Variants in DMXL2 observed in about 807,000 individuals in gnomAD.
The protein encoded by DMXL2 is Dmx like 2, also known as dmX-like protein 2.
A neutral mutation model predicts 331.1 loss-of-function variants in DMXL2; 103 were observed. The observed-to-expected ratio is 0.31, with a 90% CI of 0.27 to 0.37. The LOEUF (loss-of-function observed/expected upper bound fraction) is 0.37. DMXL2 is among the 10% of genes least tolerant of loss of function. The probability of loss-of-function intolerance (pLI) is 1.00; values close to 1 mark genes in which losing one functional copy is unlikely to be tolerated. For missense variants in DMXL2, 3,171 were observed against 3,642.9 expected (o/e 0.87, Z 3.33); for synonymous variants, 1,281 against 1,252.1 (o/e 1.02, Z -0.49).
At position 51,463,406 on chromosome 15, in the gene DMXL2, A is replaced by C; in HGVS notation, c.7899T>G (p.Ile2633Met). The C allele has an allele frequency of 6.3e-7, 1 of 1,581,004 alleles. No individual in the cohort carries two copies. The highest frequency in any genetic ancestry group is 2.3e-5 in the East Asian group (1 of 44,280). ...CACTCTGCTTTCTTTTCTTAGTGAA[A>C]ATATATCTAATAAATGTCTCTTGAA... The part of the protein sequence containing the change: ...EVLQETFIRY[I>M]FTKKRKQSES... The change falls in exon 33 of 44, where the codon ATT becomes ATG. Residue 2633 changes from isoleucine (I) to methionine (M), a missense_variant. Ile to Met is a conservative substitution (Grantham distance 10, BLOSUM62 1). Coordinates refer to ENST00000560891, the MANE Select transcript of DMXL2 (RefSeq NM_001378457.1).
intron 21 of DMXL2, 149 bp from the exon 22 acceptor site, chr15:51,488,268 ACTT>A (rs1400698570): frequency 8.6e-6 from 7 of 813,618 alleles, no homozygotes; most frequent in African/African-American, 5.3e-5. Context: ...GCATCTCTTC[ACTT>A]CTTCTAAGAA....
intron 29 of DMXL2, among the ~76,000 whole-genome samples, chr15:51,469,174 T>G (rs79323437): frequency 6.6e-6 from 1 of 152,034 alleles, no homozygotes; most frequent in South Asian, 2.1e-4. Flanking sequence ...GTAACACTAA[T>G]GTAGATCTAT....
At chr15:51,544,303 T>A (rs1287782386) in intron 8 of DMXL2, among the ~76,000 whole-genome samples, 2 of 152,106 alleles carry the variant, frequency 1.3e-5, no homozygotes, top group East Asian at 3.9e-4. Context: ...ATTTGGTCAT[T>A]TAAAAATGTG....
intron 36 of DMXL2, among the ~76,000 whole-genome samples, chr15:51,458,288 A>T (rs1422534457): frequency 6.6e-6 from 1 of 152,254 alleles, no homozygotes; most frequent in Non-Finnish European, 1.5e-5. Context: ...GATTATCCTT[A>T]TTGAAATATT....
Position 51,565,163 on chromosome 15 carries a change from G to A in DMXL2, c.289C>T (p.Leu97Phe). The change falls in exon 4 of 44, where the codon CTC becomes TTC. Residue 97 changes from leucine to phenylalanine, a missense_variant. Coordinates refer to ENST00000560891, the MANE Select transcript of DMXL2 (RefSeq NM_001378457.1). ...CCAGTTTTAAGCCACTGGCACTTGA[G>A]TTGCTGAAATACGTAGACAAAAAGA... is the stretch of plus-strand genomic sequence containing the variant. ...GINSHKRNCQLKCQWLKTGQF... is the reference protein window; with the variant it reads ...GINSHKRNCQFKCQWLKTGQF... The A allele has an allele frequency of 1.3e-6, 2 of 1,569,060 alleles. No homozygotes were observed. Among genetic ancestry groups the A allele is most frequent in the Non-Finnish European group, 1.7e-6 (2 of 1,160,532 alleles).
chr15:51,552,314 G>A (rs2140972104), intron 6 of DMXL2, among the ~76,000 whole-genome samples: 1 of 152,298 alleles, frequency 6.6e-6, no homozygotes, highest in South Asian at 2.1e-4. Flanking sequence ...CCAATCAGAG[G>A]ATGTTTGCAG....
intron 6 of DMXL2, among the ~76,000 whole-genome samples, chr15:51,552,275 T>C (rs2049270060): frequency 6.6e-6 from 1 of 152,078 alleles, no homozygotes; most frequent in Non-Finnish European, 1.5e-5. Context: ...GAGAACGGCA[T>C]GTTCAGGTGG....
At chr15:51,605,279 CCA>C (rs1041177510) in intron 1 of DMXL2, among the ~76,000 whole-genome samples, 6 of 152,140 alleles carry the variant, frequency 3.9e-5, no homozygotes, top group Non-Finnish European at 5.9e-5. Context: ...CAGCTCACTG[CCA>C]CCTCTACCTC....
chr15:51,586,835 A>C (rs1223494776), intron 1 of DMXL2, among the ~76,000 whole-genome samples: 1 of 152,174 alleles, frequency 6.6e-6, no homozygotes, highest in African/African-American at 2.4e-5. Context: ...CTCTATCTCC[A>C]GCTTGCCTGC....
chr15:51,583,260 A>G (rs1188562440), intron 1 of DMXL2, among the ~76,000 whole-genome samples: 2 of 90,364 alleles, frequency 2.2e-5, no homozygotes, highest in South Asian at 4.9e-4. Context: ...ATATCTCCCA[A>G]TGCTATCCCT....
intron 1 of DMXL2, among the ~76,000 whole-genome samples, chr15:51,601,290 C>CAA (rs200188441): frequency 2.1e-5 from 2 of 96,586 alleles, no homozygotes; most frequent in Admixed American, 1.2e-4. Context: ...GACTCCATCT[C>CAA]AAAAAAAAAA....
intron 1 of DMXL2, among the ~76,000 whole-genome samples, chr15:51,601,377 G>A (rs1357036585): frequency 6.6e-6 from 1 of 151,296 alleles, no homozygotes; most frequent in Non-Finnish European, 1.5e-5. Context: ...GTATTCCTCT[G>A]AATTCTCCCT....
intron 33 of DMXL2, among the ~76,000 whole-genome samples, chr15:51,460,847 C>T (rs1309946211): frequency 6.6e-6 from 1 of 151,484 alleles, no homozygotes; most frequent in Non-Finnish European, 1.5e-5. Flanking sequence ...CCTTTTTTTT[C>T]AGATCTGAGC....
chr15:51,600,954 A>G (rs1254288531), intron 1 of DMXL2, among the ~76,000 whole-genome samples: 1 of 152,178 alleles, frequency 6.6e-6, no homozygotes, highest in East Asian at 1.9e-4. Context: ...GCCACTCTCC[A>G]GAGAGTTTAC....
At position 51,563,610 on chromosome 15, in the gene DMXL2, T is replaced by C. The variant is rs2050099427; in HGVS notation, c.501-163A>G. Among the ~76,000 whole-genome samples the C allele has an allele frequency of 2.6e-5, 4 of 152,190 alleles. No individual in the cohort carries two copies. The South Asian group carries it at 6.2e-4, about 24-fold the overall frequency. ...ATAAAATATTTCACCTCCATAAAAA[T>C]GTAAATTTATTAAAACTAATCCAAC... On this transcript the variant is annotated intron_variant, in intron 5 of 43. Coordinates refer to ENST00000560891, the MANE Select transcript of DMXL2 (RefSeq NM_001378457.1).
intron 16 of DMXL2, among the ~76,000 whole-genome samples, chr15:51,505,466 C>T (rs888093528): frequency 2.0e-5 from 3 of 152,232 alleles, no homozygotes; most frequent in African/African-American, 7.2e-5. Flanking sequence ...CAGAGCCACT[C>T]CCATTTCTGT....
rs199710096 is a variant in DMXL2 at position 51,448,782 on chromosome 15, AT to A, written c.*201del. ...TATCCTTCATACAATACTAGGTTTT[AT>A]TTTTTTTAGTATGTCAGCATAATAA... On this transcript the variant is annotated 3_prime_UTR_variant, in exon 44 of 44. Transcript: ENST00000560891. 39 of 599,592 alleles carry A rather than the reference AT, an allele frequency of 6.5e-5. No individual in the cohort carries two copies. Among genetic ancestry groups the A allele is most frequent in the East Asian group, 8.4e-5 (3 of 35,676 alleles). 37.1% of individuals were successfully genotyped at this position (599,592 alleles called of 1,614,324 possible).
At position 51,535,671 on chromosome 15, in the gene DMXL2, C is replaced by T. The variant is rs1471156293; in HGVS notation, c.2428G>A (p.Glu810Lys). Residue 810 changes from glutamate to lysine, a missense_variant, in exon 13 of 44, where the codon GAA becomes AAA. Transcript: ENST00000560891. ...RKLLDELSDP[E>K]SSKLIGEVFN... ...GATTATTAAATACTTACTGAAGATT[C>T]TGGGTCTGACAATTCATCTAATAAT... 2 of 1,595,070 alleles carry T rather than the reference C, an allele frequency of 1.3e-6. No homozygotes were observed. The highest frequency in any genetic ancestry group is 4.5e-5 in the East Asian group (2 of 44,416).
intron 7 of DMXL2, among the ~76,000 whole-genome samples, chr15:51,546,594 T>C (rs1411719334): frequency 1.3e-5 from 2 of 152,096 alleles, no homozygotes; most frequent in Non-Finnish European, 2.9e-5. Flanking sequence ...TAGACCTGTA[T>C]ATAATAAAGG....
Sources: allele counts gnomAD v4.1 joint callset (sites outside exome capture counted in the v4.1 genomes callset), GRCh38; gene constraint gnomAD v4.1.1; transcripts MANE v1.5; gene names NCBI Gene and HGNC (gene_info 2026-07-23, HGNC 2026-07-21).